The following BCOR variants were observed in gnomAD, a reference collection of about 807,000 sequenced individuals.
The protein encoded by BCOR is BCL-6 corepressor.
Under a neutral mutation model 86.7 loss-of-function variants are expected in BCOR, and 10 were observed. The observed-to-expected ratio is 0.12, with a 90% CI of 0.07 to 0.20. The LOEUF is 0.20. BCOR is among the 10% of genes least tolerant of loss of function. The pLI is 1.00. For synonymous variants in BCOR, 611 were observed against 609.0 expected, an observed-to-expected ratio of 1.00 and a Z score of -0.05; for missense variants, 1,259 against 1,452.1, an observed-to-expected ratio of 0.87 and a Z score of 2.16.
intron 1 of BCOR, among the ~76,000 whole-genome samples, chrX:40,115,150 A>G (rs187426842): frequency 2.7e-5 from 3 of 111,216 alleles, no homozygotes; most frequent in Non-Finnish European, 5.7e-5. Context: ...CTGCGCCAAA[A>G]CACATGGCTA....
At chrX:40,075,231 A>C in intron 3 of BCOR, 51 bp from the exon 4 acceptor site, 5 of 1,093,137 alleles carry the variant, frequency 4.6e-6, no homozygotes, top group Non-Finnish European at 6.2e-6. Flanking sequence ...TCAAGGCAGC[A>C]GCACCCAAAG....
upstream of BCOR, among the ~76,000 whole-genome samples, chrX:40,098,404 C>A (rs1273975877): frequency 1.4e-4 from 15 of 110,471 alleles, no homozygotes; most frequent in Non-Finnish European, 2.3e-4. Context: ...ACGTCCTGGG[C>A]GAGCCGGAGA....
intron 1 of BCOR, among the ~76,000 whole-genome samples, chrX:40,165,159 C>A (rs946838380): frequency 7.2e-5 from 8 of 111,708 alleles, no homozygotes; most frequent in African/African-American, 2.6e-4. Flanking sequence ...AATGATAAAG[C>A]AGCTTGCAAT....
At chrX:40,107,416 C>T (rs1213458982) in intron 1 of BCOR, among the ~76,000 whole-genome samples, 1 of 112,145 alleles carries the variant, frequency 8.9e-6, no homozygotes, top group Non-Finnish European at 1.9e-5. Flanking sequence ...CCCCCGCCCC[C>T]ACCCAAGCGC....
rs761517850 is a variant in BCOR, at chrX:40,054,049, G to A, written c.4820-7C>T. The A allele has an allele frequency of 2.5e-6, 3 of 1,208,537 alleles. No individual in the cohort carries two copies. Among genetic ancestry groups the A allele is most frequent in the Non-Finnish European group, 3.4e-6 (3 of 894,136 alleles). Reference sequence around the variant, plus strand: ...CCACTTTCATCATCTGGTTCTAATGGAGGGCAAATAAGAGAGGAAGGAATC... The same window carrying A: ...CCACTTTCATCATCTGGTTCTAATGAAGGGCAAATAAGAGAGGAAGGAATC... On this transcript the variant is annotated splice_region_variant and splice_polypyrimidine_tract_variant and intron_variant, in intron 13 of 14. Transcript: ENST00000378444.
At chrX:40,064,799 G>A (rs1384728908) in intron 6 of BCOR, among the ~76,000 whole-genome samples, 200 bp from the exon 7 acceptor site, 2 of 111,669 alleles carry the variant, frequency 1.8e-5, no homozygotes, top group Non-Finnish European at 3.8e-5. Context: ...CATTGAAGAC[G>A]AGTGGCAAGT....
At chrX:40,100,232 G>A (rs1273648360), upstream of BCOR, among the ~76,000 whole-genome samples, 1 of 112,660 alleles carries the variant, frequency 8.9e-6, no homozygotes, top group Non-Finnish European at 1.9e-5. Flanking sequence ...GCTGAAGCTG[G>A]GTATTTGTGG....
chrX:40,073,150 G>C lies in BCOR; in HGVS notation c.2196C>G (p.His732Gln). The change falls in exon 4 of 15, where the codon CAC (histidine) becomes CAG (glutamine). Residue 732 changes from histidine (H) to glutamine (Q), a missense_variant. This residue lies in a region of BCOR where 534 missense variants were observed against 594.8 expected (regional missense o/e 0.90). Transcript: ENST00000378444. Reference protein sequence around the residue: ...LGMVHPMLIPHTPIEITKEEK... With the variant: ...LGMVHPMLIPQTPIEITKEEK... The stretch of plus-strand genomic sequence containing the variant: ...CCTCTTTAGTAATCTCTATGGGCGT[G>C]TGTGGTATCAACATGGGATGCACCA... The C allele has an allele frequency of 8.3e-7, 1 of 1,212,069 alleles. No individual in the cohort carries two copies. The highest frequency in any genetic ancestry group is 1.1e-6 in the Non-Finnish European group (1 of 895,530).
intron 1 of BCOR, among the ~76,000 whole-genome samples, chrX:40,147,663 C>T (rs1019091596): frequency 2.6e-5 from 3 of 113,383 alleles, no homozygotes; most frequent in African/African-American, 9.6e-5. Context: ...AGGCGAGAAG[C>T]TGACAGCAAG....
chrX:40,120,319 G>GT (rs1937465059), intron 1 of BCOR, among the ~76,000 whole-genome samples: 1 of 111,209 alleles, frequency 9.0e-6, no homozygotes, highest in Admixed American at 9.6e-5. Context: ...CTGCAGGAAT[G>GT]CCCCTTCTCT....
chrX:40,158,688 G>A lies in BCOR; in HGVS notation c.-41+18319C>T, dbSNP rs531457189. On this transcript the variant is annotated intron_variant, in intron 1 of 14. Coordinates refer to the BCOR transcript ENST00000342274. The stretch of plus-strand genomic sequence containing the variant: ...GCCGAGGCAGCTGGGGGTGGGGGGC[G>A]AGGCCTACCCACCGTTCACAGGGCG... Among the ~76,000 whole-genome samples the A allele has an allele frequency of 2.1e-4, 24 of 113,106 alleles. No homozygotes were observed. The South Asian group carries it at 8.2e-3, about 39-fold the overall frequency.
At chrX:40,068,712 C>G (rs936650726) in intron 6 of BCOR, among the ~76,000 whole-genome samples, 1 of 113,326 alleles carries the variant, frequency 8.8e-6, no homozygotes, top group Non-Finnish European at 1.9e-5. Context: ...CTTCAAAATG[C>G]CACTTATCAT....
intron 13 of BCOR, 72 bp from the exon 14 acceptor site, chrX:40,054,114 C>T: frequency 5.2e-6 from 6 of 1,151,956 alleles, no homozygotes; most frequent in Non-Finnish European, 7.1e-6. Context: ...TCAACAACAA[C>T]AAGGAGTTTA....
intron 1 of BCOR, among the ~76,000 whole-genome samples, chrX:40,160,705 C>G (rs1938397634): frequency 2.0e-5 from 2 of 100,401 alleles, no homozygotes; most frequent in Non-Finnish European, 4.0e-5. Context: ...GCTCTCTCGC[C>G]CAGGCTGGAG....
intron 1 of BCOR, 104 bp from the exon 2 acceptor site, chrX:40,078,073 G>A (rs916834806): frequency 2.5e-5 from 13 of 523,633 alleles, no homozygotes; most frequent in Admixed American, 5.4e-5. Context: ...GGATGCAGAT[G>A]GGGAAGGCAG....
intron 1 of BCOR, among the ~76,000 whole-genome samples, chrX:40,136,667 T>C (rs1937687320): frequency 8.9e-6 from 1 of 112,022 alleles, no homozygotes. Flanking sequence ...AAAGCTTTGG[T>C]AGGCGTATGG....
In BCOR at chrX:40,074,942, G is replaced by C. The variant is rs779756747; in HGVS notation, c.404C>G (p.Ser135Cys). ...KPNTPETVEA[S>C]AVSGKPPNGF... ...ATTTGGGGGTTTTCCAGAGACGGCAGAAGCCTCCACTGTCTCGGGTGTATT... is the reference window on the plus strand; with the variant it reads ...ATTTGGGGGTTTTCCAGAGACGGCACAAGCCTCCACTGTCTCGGGTGTATT... The change falls in exon 4 of 15, where the codon TCT becomes TGT. Residue 135 changes from serine (S) to cysteine (C), a missense_variant. By Grantham distance (112) the Ser-to-Cys change is moderately radical. This residue lies in a region of BCOR where 174 missense variants were observed against 189.3 expected (regional missense o/e 0.92). Coordinates refer to ENST00000378444, the MANE Select transcript of BCOR (RefSeq NM_001123385.2). 3.3e-6 allele frequency: 4 copies of C among 1,209,202 alleles called. No individual in the cohort carries two copies. In the African/African-American group the frequency reaches 7.0e-5, roughly 21 times the overall value.
At chrX:40,150,760 T>C (rs1938150636) in intron 1 of BCOR, among the ~76,000 whole-genome samples, 1 of 111,742 alleles carries the variant, frequency 8.9e-6, no homozygotes, top group Admixed American at 9.5e-5. Context: ...TTTCACAAGA[T>C]TGGGCCCTGA....
At chrX:40,166,744 C>T (rs1938514052) in intron 1 of BCOR, among the ~76,000 whole-genome samples, 1 of 111,983 alleles carries the variant, frequency 8.9e-6, no homozygotes, top group African/African-American at 3.3e-5. Flanking sequence ...TTAAGTGCAT[C>T]TGGTTATGAT....
Sources: allele counts gnomAD v4.1 joint callset (sites outside exome capture counted in the v4.1 genomes callset), GRCh38; gene constraint gnomAD v4.1.1; regional missense constraint gnomAD v4.1.1; transcripts MANE v1.5; gene names NCBI Gene and HGNC (gene_info 2026-07-23, HGNC 2026-07-21).